The following LRRC3B variants were observed in gnomAD, a reference collection of about 807,000 sequenced individuals.
LRRC3B encodes leucine rich repeat containing 3B, also known as leucine-rich repeat-containing protein 3B.
A neutral mutation model predicts 12.8 loss-of-function variants in LRRC3B; 2 were observed. The observed-to-expected ratio is 0.16, with a 90% CI of 0.06 to 0.49. The LOEUF is 0.49. Among genes scored for constraint, LRRC3B ranks in the 20% least tolerant of loss-of-function variants. LRRC3B has a pLI of 0.96. For missense variants in LRRC3B, 189 were observed against 319.4 expected (o/e 0.59, Z 3.11); for synonymous variants, 132 against 122.0 (o/e 1.08, Z -0.54).
rs73150404 is a variant in LRRC3B, at chr3:26,648,568, A to G, written c.-161+25331A>G. ...TCTCCATTTTTCTTAAAGTATCAATAAAAGGATTTTGAATCCAGTCTGTGT... is the reference window on the plus strand; with the variant it reads ...TCTCCATTTTTCTTAAAGTATCAATGAAAGGATTTTGAATCCAGTCTGTGT... On this transcript the variant is annotated intron_variant, in intron 1 of 1. Transcript: ENST00000396641. Among the ~76,000 whole-genome samples the G allele has an allele frequency of 6.9e-3, 1,054 of 152,304 alleles. 16 individuals are homozygous for G. The highest frequency in any genetic ancestry group is 0.024 in the African/African-American group (1,018 of 41,558).
intron 1 of LRRC3B, among the ~76,000 whole-genome samples, chr3:26,671,365 TATATATATAGAG>T (rs1171410352): frequency 4.6e-5 from 2 of 43,462 alleles, no homozygotes; most frequent in South Asian, 1.8e-3. Context: ...TATATATATA[TATATATATAGAG>T]AGAGAGAGAG....
Position 26,671,352 on chromosome 3 carries a change from A to ATATATATATATATG in LRRC3B, c.-160-38148_-160-38147insGTATATATATATAT, listed in dbSNP as rs1447833331. On this transcript the variant is annotated intron_variant, in intron 1 of 1. Coordinates refer to ENST00000396641, the Ensembl canonical transcript of LRRC3B. ...TAAATGTGTGTGTATATATGTGTGT[A>ATATATATATATATG]TATATATATATATATATATATAGAG... Among the ~76,000 whole-genome samples the ATATATATATATATG allele has an allele frequency of 4.7e-4, 20 of 42,910 alleles. 4 individuals are homozygous for ATATATATATATATG. Among genetic ancestry groups the ATATATATATATATG allele is most frequent in the African/African-American group, 2.3e-3 (20 of 8,652 alleles). The allele number at this position is 42,910 out of a possible 152,430, so 28.2% of individuals were successfully genotyped here. A position where few individuals can be genotyped will look rare whatever the true frequency, so the allele number is the denominator to read the frequency against.
chr3:26,667,082 T>G (rs574451093), intron 1 of LRRC3B, among the ~76,000 whole-genome samples: 5 of 151,100 alleles, frequency 3.3e-5, no homozygotes, highest in African/African-American at 4.9e-5. Context: ...CTCTGTGATT[T>G]TTTTTTAAAC....
rs1461673808 is a variant in LRRC3B at position 26,691,101 on chromosome 3, G to GTATATATA, written c.-160-18411_-160-18410insATATATAT. On this transcript the variant is annotated intron_variant, in intron 1 of 1. Coordinates refer to ENST00000396641, the Ensembl canonical transcript of LRRC3B. ...TATGTGTGTGTGTATATGTGTGTGT[G>GTATATATA]TGTGTATATATATATATATATATAT... Among the ~76,000 whole-genome samples, 131 of 45,634 alleles carry GTATATATA rather than the reference G, an allele frequency of 2.9e-3. No individual in the cohort carries two copies. The East Asian group carries it at 0.049, about 17-fold the overall frequency. The allele number at this position is 45,634 out of a possible 152,430, so 29.9% of individuals were successfully genotyped here.
At chr3:26,646,384 G>A (rs1699144641) in intron 1 of LRRC3B, among the ~76,000 whole-genome samples, 1 of 151,956 alleles carries the variant, frequency 6.6e-6, no homozygotes, top group Non-Finnish European at 1.5e-5. Flanking sequence ...GGAGAGTCAG[G>A]GTAAAGAACT....
chr3:26,671,985 A>T (rs1699758747), intron 1 of LRRC3B, among the ~76,000 whole-genome samples: 1 of 152,168 alleles, frequency 6.6e-6, no homozygotes, highest in Non-Finnish European at 1.5e-5. Context: ...GTAAAGTAAC[A>T]ATGACTCATT....
At chr3:26,680,950 G>C (rs903613858) in intron 1 of LRRC3B, among the ~76,000 whole-genome samples, 1 of 152,050 alleles carries the variant, frequency 6.6e-6, no homozygotes, top group African/African-American at 2.4e-5. Context: ...AAGGACCAAA[G>C]GTAACATTGG....
intron 1 of LRRC3B, among the ~76,000 whole-genome samples, chr3:26,698,910 G>A (rs1156377409): frequency 1.3e-5 from 2 of 152,020 alleles, no homozygotes; most frequent in Non-Finnish European, 2.9e-5. Flanking sequence ...TCCCCCAGTT[G>A]TTCCAATAAT....
chr3:26,656,943 C>A (rs145539134), intron 1 of LRRC3B, among the ~76,000 whole-genome samples: 2 of 152,264 alleles, frequency 1.3e-5, no homozygotes, highest in East Asian at 3.9e-4. Context: ...ATTCTTTTTT[C>A]TGCCACTTTA....
chr3:26,644,369 A>T (rs190159682), intron 1 of LRRC3B, among the ~76,000 whole-genome samples: 42 of 152,336 alleles, frequency 2.8e-4, no homozygotes, highest in African/African-American at 9.4e-4. Flanking sequence ...TTGGTAACTC[A>T]GCCTAAAAAT....
chr3:26,623,030 AGCCGCCGCGCACCAAC>A (rs1399266161), exon 1 of LRRC3B: 2 of 151,636 alleles, frequency 1.3e-5, no homozygotes, highest in Non-Finnish European at 2.9e-5. Flanking sequence ...CCCGCGCCCC[AGCCGCCGCGCACCAAC>A]GCCGCCGCCT....
intron 1 of LRRC3B, among the ~76,000 whole-genome samples, chr3:26,636,102 G>A (rs1246053130): frequency 3.3e-5 from 5 of 152,156 alleles, no homozygotes; most frequent in Non-Finnish European, 7.3e-5. Context: ...CAGGATGCAA[G>A]CAAGTGACTG....
At chr3:26,653,053 A>G (rs993153484) in intron 1 of LRRC3B, among the ~76,000 whole-genome samples, 2 of 151,764 alleles carry the variant, frequency 1.3e-5, no homozygotes, top group Admixed American at 1.3e-4. Flanking sequence ...GTAGATTCAT[A>G]CTTAAGGAGA....
At chr3:26,653,468 A>C (rs150376233) in intron 1 of LRRC3B, among the ~76,000 whole-genome samples, 1 of 152,342 alleles carries the variant, frequency 6.6e-6, no homozygotes, top group Non-Finnish European at 1.5e-5. Flanking sequence ...GTCATTAATA[A>C]TGGTTTAGGA....
At chr3:26,659,872 G>A (rs925975768) in intron 1 of LRRC3B, among the ~76,000 whole-genome samples, 4 of 152,136 alleles carry the variant, frequency 2.6e-5, no homozygotes, top group Admixed American at 1.3e-4. Context: ...ATTCTCTAAC[G>A]CCTCCTGTAT....
chr3:26,672,582 T>TAGTC (rs1354949408), intron 1 of LRRC3B, among the ~76,000 whole-genome samples: 1 of 152,178 alleles, frequency 6.6e-6, no homozygotes, highest in East Asian at 1.9e-4. Context: ...GCCTCCAACC[T>TAGTC]AGTCAGCCTA....
chr3:26,703,464 T>TG (rs1482683724), intron 1 of LRRC3B, among the ~76,000 whole-genome samples: 2 of 151,746 alleles, frequency 1.3e-5, no homozygotes, highest in African/African-American at 4.8e-5. Context: ...AGCATTATAG[T>TG]GGGAAAAAAG....
chr3:26,663,866 C>T (rs1009376281), intron 1 of LRRC3B, among the ~76,000 whole-genome samples: 5 of 152,094 alleles, frequency 3.3e-5, no homozygotes, highest in Non-Finnish European at 5.9e-5. Flanking sequence ...CAGTTCAGAA[C>T]CTTGCCATGT....
At chr3:26,670,316 T>C (rs1294714751) in intron 1 of LRRC3B, among the ~76,000 whole-genome samples, 1 of 152,176 alleles carries the variant, frequency 6.6e-6, no homozygotes, top group East Asian at 1.9e-4. Flanking sequence ...TTTCCAAAAA[T>C]AACTGAAGGG....
Sources: gnomAD v4.1 joint callset for allele counts (sites outside exome capture counted in the v4.1 genomes callset) on GRCh38, gnomAD v4.1.1 for gene constraint, MANE v1.5 for transcripts, NCBI Gene and HGNC (gene_info 2026-07-23, HGNC 2026-07-21) for gene names.